The following SYNE1 variants were observed in gnomAD, a reference collection of about 807,000 sequenced individuals.
The protein encoded by SYNE1 is spectrin repeat containing nuclear envelope protein 1.
In SYNE1, 616 loss-of-function variants were observed where a neutral mutation model predicts 1,111.0. That is an observed-to-expected ratio of 0.55 (90% CI 0.52 to 0.59). The LOEUF is 0.59. Ranked by LOEUF, SYNE1 falls within the 20% of genes least tolerant of loss-of-function variation. SYNE1 has a pLI of 0.00. For synonymous variants in SYNE1, 3,855 were observed against 3,825.8 expected (o/e 1.01, Z -0.28); for missense variants, 10,006 against 10,417.0 (o/e 0.96, Z 1.72).
At chr6:152,222,421 C>T (rs1010271436) in intron 117 of SYNE1, among the ~76,000 whole-genome samples, 12 of 152,184 alleles carry the variant, frequency 7.9e-5, no homozygotes, top group African/African-American at 1.9e-4. Context: ...GTTACATACC[C>T]GCAGTGCTTC....
intron 104 of SYNE1, among the ~76,000 whole-genome samples, chr6:152,254,340 G>A (rs983881581): frequency 8.5e-5 from 12 of 140,494 alleles, no homozygotes; most frequent in Admixed American, 2.4e-4. Context: ...CTACCTCTGC[G>A]TCCCGGGTTC....
chr6:152,346,715 T>TC (rs1563236554), intron 73 of SYNE1, among the ~76,000 whole-genome samples: 1 of 150,362 alleles, frequency 6.7e-6, no homozygotes. Flanking sequence ...GAGGCTGAAG[T>TC]AGGAGAATGG....
chr6:152,203,992 T>C (rs1171613366), intron 126 of SYNE1, among the ~76,000 whole-genome samples: 1 of 152,142 alleles, frequency 6.6e-6, no homozygotes, highest in African/African-American at 2.4e-5. Flanking sequence ...CTGCTTAAAT[T>C]AAACAACATT....
intron 12 of SYNE1, among the ~76,000 whole-genome samples, chr6:152,487,005 G>A (rs2098944571): frequency 6.6e-6 from 1 of 152,152 alleles, no homozygotes; most frequent in African/African-American, 2.4e-5. Context: ...TGGGAAAAAT[G>A]ATAATGCTGC....
chr6:152,231,002 G>A (rs1033427724), intron 114 of SYNE1, among the ~76,000 whole-genome samples: 16 of 152,118 alleles, frequency 1.1e-4, no homozygotes, highest in African/African-American at 3.9e-4. Flanking sequence ...ACGGATTTGT[G>A]TTGGGCTGCA....
chr6:152,149,724 A>C, intron 135 of SYNE1, 56 bp from the exon 136 acceptor site: 1 of 1,430,792 alleles, frequency 7.0e-7, no homozygotes, highest in Non-Finnish European at 9.8e-7. Context: ...CATTGATATA[A>C]AAGAATCATA....
Position 152,281,996 on chromosome 6 carries a change from G to C in SYNE1, c.18208-16C>G, listed in dbSNP as rs2094055955. The C allele has an allele frequency of 1.4e-5, 22 of 1,612,590 alleles. No individual in the cohort carries two copies. The highest frequency in any genetic ancestry group is 1.8e-5 in the Non-Finnish European group (21 of 1,179,694). On this transcript the variant is annotated splice_polypyrimidine_tract_variant and intron_variant, in intron 96 of 145. Coordinates refer to ENST00000367255, the MANE Select transcript of SYNE1 (RefSeq NM_182961.4). Reference sequence around the variant, plus strand: ...TCAACTTCTCCTGTTGAATTCAGTAGAAGGTAATATAGATCACGCTAAGGT... The same window carrying C: ...TCAACTTCTCCTGTTGAATTCAGTACAAGGTAATATAGATCACGCTAAGGT...
intron 73 of SYNE1, 107 bp from the exon 74 acceptor site, chr6:152,344,334 C>T (rs1158391872): frequency 1.3e-6 from 2 of 1,540,738 alleles, no homozygotes; most frequent in Non-Finnish European, 8.9e-7. Flanking sequence ...GATTTTCCCC[C>T]CAAGATTCTG....
intron 34 of SYNE1, chr6:152,433,479 C>T (rs1385147090): frequency 2.8e-6 from 1 of 358,754 alleles, no homozygotes; most frequent in African/African-American, 2.1e-5. Flanking sequence ...GTATAATGAA[C>T]CGGCAGAGCA....
intron 104 of SYNE1, among the ~76,000 whole-genome samples, chr6:152,251,443 T>C (rs922672854): frequency 2.0e-4 from 30 of 152,074 alleles, no homozygotes; most frequent in Non-Finnish European, 2.8e-4. Context: ...AGTAATCACA[T>C]GGATATTGAC....
At chr6:152,214,641 C>A (rs549584541) in intron 122 of SYNE1, among the ~76,000 whole-genome samples, 1 of 152,290 alleles carries the variant, frequency 6.6e-6, no homozygotes, top group African/African-American at 2.4e-5. Context: ...GCACTGTTGT[C>A]CTTCTGCCTT....
rs9479294 is a variant in SYNE1 at position 152,325,558 on chromosome 6, T to C, written c.15439-256A>G. ...GTGTATTTTGCTACTTGAGATGACATTTTTTTCATTTTTAAAAAGCAGCAC... is the reference window on the plus strand; with the variant it reads ...GTGTATTTTGCTACTTGAGATGACACTTTTTTCATTTTTAAAAAGCAGCAC... On this transcript the variant is annotated intron_variant, in intron 80 of 145. Transcript: ENST00000367255. Among the ~76,000 whole-genome samples the C allele has an allele frequency of 0.41, 63,047 of 151,994 alleles. 13,762 individuals carry two copies. Among genetic ancestry groups the C allele is most frequent in the Admixed American group, 0.56 (8,531 of 15,280 alleles).
intron 145 of SYNE1, 127 bp downstream of exon 145, chr6:152,130,593 T>C (rs2055273813): frequency 2.3e-6 from 2 of 880,460 alleles, no homozygotes; most frequent in Non-Finnish European, 3.8e-6. Context: ...GGAAAGGGTG[T>C]GGACTGAAAT....
intron 3 of SYNE1, among the ~76,000 whole-genome samples, chr6:152,597,600 C>A (rs1225529085): frequency 1.3e-5 from 2 of 152,092 alleles, no homozygotes; most frequent in Non-Finnish European, 2.9e-5. Context: ...AATTCAGCAG[C>A]CAGATATCTG....
At chr6:152,154,851 A>AATAGCAAAATAAGGATT (rs1428753526) in intron 133 of SYNE1, 41 bp downstream of exon 133, 1 of 1,611,958 alleles carries the variant, frequency 6.2e-7, no homozygotes, top group Non-Finnish European at 8.5e-7. Context: ...TGGCTACTTT[A>AATAGCAAAATAAGGATT]ATAGCAAAAT....
chr6:152,509,848 C>T (rs1008945380), intron 8 of SYNE1, among the ~76,000 whole-genome samples: 2 of 152,072 alleles, frequency 1.3e-5, no homozygotes, highest in Non-Finnish European at 2.9e-5. Context: ...CGAGTTTAAA[C>T]TTCAAGTTTA....
At chr6:152,624,792 G>A (rs1257884274) in intron 3 of SYNE1, among the ~76,000 whole-genome samples, 2 of 152,164 alleles carry the variant, frequency 1.3e-5, no homozygotes, top group Non-Finnish European at 2.9e-5. Context: ...AATGGCTACT[G>A]TTGCAGCTAA....
intron 14 of SYNE1, among the ~76,000 whole-genome samples, chr6:152,474,465 A>ATGAGACTCATTT (rs1331007398): frequency 6.6e-6 from 1 of 152,180 alleles, no homozygotes; most frequent in Non-Finnish European, 1.5e-5. Flanking sequence ...TACAATGTGA[A>ATGAGACTCATTT]CAGGATGAGG....
At chr6:152,424,326 C>T (rs973592668) in intron 39 of SYNE1, among the ~76,000 whole-genome samples, 1 of 152,212 alleles carries the variant, frequency 6.6e-6, no homozygotes, top group African/African-American at 2.4e-5. Flanking sequence ...TCCTTATATG[C>T]ATACATTATA....
Sources: gnomAD v4.1 joint callset for allele counts (sites outside exome capture counted in the v4.1 genomes callset) on GRCh38, gnomAD v4.1.1 for gene constraint, MANE v1.5 for transcripts, NCBI Gene and HGNC (gene_info 2026-07-23, HGNC 2026-07-21) for gene names.